LGMN: variants seen among roughly 807,000 people sequenced by gnomAD.
The protein encoded by LGMN is legumain.
A neutral mutation model predicts 56.8 loss-of-function variants in LGMN; 36 were observed. The observed-to-expected ratio is 0.63, with a 90% CI of 0.49 to 0.84. The LOEUF is 0.84. LGMN is among the 40% of genes least tolerant of loss of function. LGMN has a pLI of 0.00. For missense variants in LGMN, 446 were observed against 556.1 expected (o/e 0.80, Z 1.99); for synonymous variants, 199 against 210.1 (o/e 0.95, Z 0.46).
rs59223493 is a variant in LGMN at position 92,714,382 on chromosome 14, A to G, written c.474T>C (p.Asn158=). Residue 158 remains asparagine (N), a synonymous_variant, in exon 6 of 14, where the codon AAT becomes AAC. Transcript: ENST00000334869. This position sits in a 1 kb window ranked among gnomAD's most constrained non-coding sequence, Gnocchi z 5.1. ...AAACGTTAAGAAAACTCACATCTTC[A>G]TTGGGAAAAACCAGTATTCCAGTAG... is the stretch of plus-strand genomic sequence containing the variant. The part of the protein sequence containing the change: ...HGSTGILVFP[N]EDLHVKDLNE... 0.017 allele frequency: 27,767 copies of G among 1,604,626 alleles called. 998 individuals carry two copies. Among genetic ancestry groups the G allele is most frequent in the East Asian group, 0.14 (6,296 of 44,792 alleles).
At chr14:92,719,251 A>ACCG (rs1566924128) in intron 2 of LGMN, among the ~76,000 whole-genome samples, 1 of 50,252 alleles carries the variant, frequency 2.0e-5, no homozygotes, top group Admixed American at 2.3e-4. Flanking sequence ...CACCGCCACC[A>ACCG]CCACCACCGC....
intron 1 of LGMN, among the ~76,000 whole-genome samples, chr14:92,734,346 G>A (rs555893957): frequency 4.6e-5 from 7 of 152,290 alleles, no homozygotes; most frequent in Non-Finnish European, 8.8e-5. Flanking sequence ...GAGGCCGGGC[G>A]TGGTGGCTCA....
intron 1 of LGMN, among the ~76,000 whole-genome samples, chr14:92,748,224 A>G (rs189068715): frequency 0.011 from 1,715 of 152,058 alleles, 16 homozygotes; most frequent in Non-Finnish European, 0.017. Flanking sequence ...CCTCCAGAGC[A>G]CTGAGCCCTT....
intron 8 of LGMN, among the ~76,000 whole-genome samples, 178 bp from the exon 9 acceptor site, chr14:92,712,133 C>T (rs1889814937): frequency 6.6e-6 from 1 of 152,164 alleles, no homozygotes; most frequent in Admixed American, 6.6e-5. Context: ...AATAACTCAT[C>T]TAAAATTAAA....
Position 92,718,843 on chromosome 14 carries a change from G to A in LGMN, c.140C>T (p.Ala47Val), listed in dbSNP as rs1362586059. 3.1e-6 allele frequency: 5 copies of A among 1,610,892 alleles called. No homozygotes were observed. The highest frequency in any genetic ancestry group is 1.3e-5 in the African/African-American group (1 of 74,824). Reference protein sequence around the residue: ...SNGWYNYRHQADACHAYQIIH... With the variant: ...SNGWYNYRHQVDACHAYQIIH... ...GATCTGGTAGGCATGGCACGCGTCT[G>A]CCTGGGAGAAATGATTTGGTGAAGT... Residue 47 changes from alanine (A) to valine (V), a missense_variant and splice_region_variant, in exon 3 of 14, where the codon GCA becomes GTA. By Grantham distance (64) the Ala-to-Val change is moderately conservative (BLOSUM62 0). Transcript: ENST00000334869.
At chr14:92,735,195 G>T (rs1212331500) in intron 1 of LGMN, among the ~76,000 whole-genome samples, 1 of 152,008 alleles carries the variant, frequency 6.6e-6, no homozygotes, top group East Asian at 1.9e-4. Context: ...GTAGGCCTGG[G>T]GCAGGGCCTG....
intron 12 of LGMN, among the ~76,000 whole-genome samples, chr14:92,705,904 A>C (rs907328620): frequency 4.6e-5 from 7 of 152,180 alleles, no homozygotes; most frequent in African/African-American, 1.7e-4. Context: ...CTGGGATTGC[A>C]GACATGAGCC....
intron 2 of LGMN, among the ~76,000 whole-genome samples, chr14:92,727,291 G>T (rs1000966732): frequency 1.3e-5 from 2 of 151,868 alleles, no homozygotes; most frequent in African/African-American, 4.8e-5. Context: ...TTAGCCAGGC[G>T]TGGTGGCAGG....
At chr14:92,705,910 G>A (rs933808317) in intron 12 of LGMN, among the ~76,000 whole-genome samples, 5 of 152,150 alleles carry the variant, frequency 3.3e-5, no homozygotes, top group African/African-American at 1.2e-4. Context: ...TTGCAGACAT[G>A]AGCCACCATG....
intron 1 of LGMN, chr14:92,733,650 ATACAAAATTAGC>A (rs1891164115): frequency 6.6e-6 from 1 of 152,106 alleles, no homozygotes; most frequent in Non-Finnish European, 1.5e-5. Flanking sequence ...GGCTCTGCTA[ATACAAAATTAGC>A]TGGGCATGGT....
At chr14:92,705,830 G>C (rs1482151526) in intron 12 of LGMN, among the ~76,000 whole-genome samples, 1 of 152,138 alleles carries the variant, frequency 6.6e-6, no homozygotes, top group Admixed American at 6.6e-5. Flanking sequence ...GTCTTACCAT[G>C]TTGGCCAGGC....
At chr14:92,735,834 T>C in intron 1 of LGMN, among the ~76,000 whole-genome samples, 1 of 151,882 alleles carries the variant, frequency 6.6e-6, no homozygotes, top group Non-Finnish European at 1.5e-5. Context: ...GCGGCTAGTA[T>C]GGCACATAAC....
chr14:92,728,982 G>T (rs1890886239), intron 2 of LGMN, among the ~76,000 whole-genome samples: 1 of 152,156 alleles, frequency 6.6e-6, no homozygotes, highest in South Asian at 2.1e-4. Flanking sequence ...TCTTCCACCA[G>T]TATGTCAGCA....
At chr14:92,712,689 A>G in intron 8 of LGMN, 116 bp downstream of exon 8, 1 of 904,370 alleles carries the variant, frequency 1.1e-6, no homozygotes, top group Non-Finnish European at 1.8e-6. Flanking sequence ...CCCCACTTCT[A>G]TGGCCCAGGC....
chr14:92,734,939 C>A (rs113846338), intron 1 of LGMN, among the ~76,000 whole-genome samples: 268 of 152,262 alleles, frequency 1.8e-3, no homozygotes, highest in Non-Finnish European at 3.3e-3. Flanking sequence ...GTGCTGGGTG[C>A]TGGGAACTCA....
At chr14:92,704,460 G>T in intron 13 of LGMN, 99 bp from the exon 14 acceptor site, 2 of 1,100,514 alleles carry the variant, frequency 1.8e-6, no homozygotes, top group Non-Finnish European at 2.7e-6. Flanking sequence ...GTTATGACAG[G>T]CCCGCCCAGC....
At chr14:92,710,030 C>A (rs1487518132) in intron 10 of LGMN, among the ~76,000 whole-genome samples, 158 bp from the exon 11 acceptor site, 1 of 152,140 alleles carries the variant, frequency 6.6e-6, no homozygotes, top group African/African-American at 2.4e-5. Flanking sequence ...CACATTTACT[C>A]CTCATGCTTT....
In LGMN at chr14:92,719,350, A is replaced by G. The variant is rs185048403; in HGVS notation, c.139-506T>C. Among the ~76,000 whole-genome samples the G allele has an allele frequency of 9.4e-3, 1,166 of 124,210 alleles. 42 individuals are homozygous for G. The highest frequency in any genetic ancestry group is 0.034 in the African/African-American group (1,016 of 30,260). 81.5% of individuals were successfully genotyped at this position (124,210 alleles called of 152,430 possible). ...CACCGCCACCGCCATCACCGCCACC[A>G]CCACCAACACCACCACCACCACCAA... On this transcript the variant is annotated intron_variant, in intron 2 of 13. Transcript: ENST00000334869.
At chr14:92,712,729 T>C (rs751473050) in intron 8 of LGMN, 76 bp downstream of exon 8, 3 of 1,385,402 alleles carry the variant, frequency 2.2e-6, no homozygotes, top group Admixed American at 1.8e-5. Flanking sequence ...TTACGGAGAA[T>C]GCTCAGTTCC....
Sources: gnomAD v4.1 joint callset for allele counts (sites outside exome capture counted in the v4.1 genomes callset) on GRCh38, gnomAD v4.1.1 for gene constraint, Gnocchi (gnomAD v3.1) non-coding constraint, MANE v1.5 for transcripts, NCBI Gene and HGNC (gene_info 2026-07-23, HGNC 2026-07-21) for gene names.